Variants in PCDHA5 observed in about 807,000 individuals in gnomAD.
PCDHA5 encodes the protein protocadherin alpha-5.
In PCDHA5, 43 loss-of-function variants were observed where a neutral mutation model predicts 61.6. The ratio of observed to expected loss-of-function variants is 0.70; its 90% CI spans 0.55 to 0.90. The LOEUF (loss-of-function observed/expected upper bound fraction) is 0.90. Ranked by LOEUF, PCDHA5 falls within the 40% of genes least tolerant of loss-of-function variation. PCDHA5 has a pLI of 0.00. For synonymous variants in PCDHA5, 627 were observed against 543.9 expected (o/e 1.15, Z -2.13); for missense variants, 1,298 against 1,222.7 (o/e 1.06, Z -0.92).
chr5:140,845,803 T>C (rs1319133517), intron 1 of PCDHA5, among the ~76,000 whole-genome samples: 3 of 149,694 alleles, frequency 2.0e-5, no homozygotes, highest in Non-Finnish European at 4.5e-5. Flanking sequence ...TGGCAAGTGA[T>C]AGGTACATAA....
At chr5:140,876,752 C>A (rs374137138) in intron 1 of PCDHA5, 2 of 1,614,194 alleles carry the variant, frequency 1.2e-6, no homozygotes, top group Non-Finnish European at 1.7e-6. Context: ...GTGGTGACTG[C>A]GCGGGATGGG....
At chr5:140,882,385 A>G in intron 1 of PCDHA5, 1 of 1,614,234 alleles carries the variant, frequency 6.2e-7, no homozygotes, top group Non-Finnish European at 8.5e-7. Flanking sequence ...CCGAGGAAGC[A>G]AAACACGGCA....
chr5:140,893,662 A>T (rs1462433571), intron 1 of PCDHA5, among the ~76,000 whole-genome samples: 5 of 152,204 alleles, frequency 3.3e-5, no homozygotes, highest in African/African-American at 1.2e-4. Context: ...GTTTTAAAAA[A>T]TTTCAGCACT....
intron 1 of PCDHA5, chr5:140,928,113 G>C: frequency 6.2e-7 from 1 of 1,614,228 alleles, no homozygotes; most frequent in Admixed American, 1.7e-5. Context: ...ACCGGGAGCA[G>C]ATCAGTGAAT....
chr5:140,826,085 A>C (rs1768809113), intron 1 of PCDHA5, among the ~76,000 whole-genome samples: 1 of 152,198 alleles, frequency 6.6e-6, no homozygotes, highest in African/African-American at 2.4e-5. Flanking sequence ...CAATTTTATA[A>C]GTACCCTTCT....
intron 1 of PCDHA5, chr5:140,856,443 T>C: frequency 6.3e-7 from 1 of 1,598,282 alleles, no homozygotes; most frequent in Non-Finnish European, 8.6e-7. Flanking sequence ...CCGCCCAGGT[T>C]CTCCGTAACA....
intron 1 of PCDHA5, among the ~76,000 whole-genome samples, chr5:140,887,198 G>A (rs1276345927): frequency 2.6e-5 from 4 of 151,490 alleles, no homozygotes; most frequent in Admixed American, 2.6e-4. Flanking sequence ...CCGGGTTCAC[G>A]CCATTCTCCT....
chr5:140,870,689 T>G (rs1349209235), intron 1 of PCDHA5: 1 of 1,612,838 alleles, frequency 6.2e-7, no homozygotes. Context: ...GAGCTGGAGC[T>G]GCTACAGTTC....
Position 140,903,378 on chromosome 5 carries a change from G to T in PCDHA5, c.2353-75571G>T, listed in dbSNP as rs938741904. Among the ~76,000 whole-genome samples, 3 of 152,196 alleles carry T rather than the reference G, an allele frequency of 2.0e-5. No homozygotes were observed. In the South Asian group the frequency reaches 6.2e-4, roughly 32 times the overall value. On this transcript the variant is annotated intron_variant, in intron 1 of 3. Coordinates refer to ENST00000529859, the MANE Select transcript of PCDHA5 (RefSeq NM_018908.3). Reference sequence around the variant, plus strand: ...GTTTTTCAAAAATATAGGGAGGATTGTGGTTACTTCTAGAAACAGTAGTGC... The same window carrying T: ...GTTTTTCAAAAATATAGGGAGGATTTTGGTTACTTCTAGAAACAGTAGTGC...
In PCDHA5 at chr5:140,928,656, T is replaced by A. The variant is rs116598649; in HGVS notation, c.2353-50293T>A. ...TCACAAAAGTGGTAGCAGAGGATGC[T>A]GACAGTGGTTCTAATGCCTGGCTTT... On this transcript the variant is annotated intron_variant, in intron 1 of 3. Transcript: ENST00000529859. 5,180 of 1,614,228 alleles carry A rather than the reference T, an allele frequency of 3.2e-3. 26 individuals are homozygous for A. Among genetic ancestry groups the A allele is most frequent in the African/African-American group, 0.019 (1,449 of 75,056 alleles).
In PCDHA5 at chr5:140,834,181, A is replaced by G. The variant is rs999943997; in HGVS notation, c.2352+10054A>G. 5 of 566,952 alleles carry G rather than the reference A, an allele frequency of 8.8e-6. No homozygotes were observed. In the South Asian group the frequency reaches 1.3e-4, roughly 15 times the overall value. The allele number at this position is 566,952 out of a possible 1,614,324, so 35.1% of individuals were successfully genotyped here. A position where few individuals can be genotyped will look rare whatever the true frequency, so the allele number is the denominator to read the frequency against. On this transcript the variant is annotated intron_variant, in intron 1 of 3. Transcript: ENST00000529859. The stretch of plus-strand genomic sequence containing the variant: ...TAATTCTTACTTACATGATGGCCAC[A>G]TGATGTCGCTCTTTACCGCAAATTC...
At chr5:140,886,461 A>G (rs1434440381) in intron 1 of PCDHA5, among the ~76,000 whole-genome samples, 2 of 152,116 alleles carry the variant, frequency 1.3e-5, no homozygotes, top group African/African-American at 2.4e-5. Context: ...TCATATATAA[A>G]TGTTTTTAAA....
In PCDHA5 at chr5:140,843,235, C is replaced by G. The variant is rs2150355590; in HGVS notation, c.2352+19108C>G. On this transcript the variant is annotated intron_variant, in intron 1 of 3. Coordinates refer to ENST00000529859, the MANE Select transcript of PCDHA5 (RefSeq NM_018908.3). ...AGATCAGCACCACTCGTGTCCTGGACGAAGCGGACTCTCCGCGCCACCGTC... is the reference window on the plus strand; with the variant it reads ...AGATCAGCACCACTCGTGTCCTGGAGGAAGCGGACTCTCCGCGCCACCGTC... 1.0e-5 allele frequency: 16 copies of G among 1,595,840 alleles called. 2 individuals are homozygous for G. The African/African-American group carries it at 1.2e-4, about 12-fold the overall frequency.
chr5:140,828,445 T>G (rs1769755224), intron 1 of PCDHA5: 1 of 1,614,218 alleles, frequency 6.2e-7, no homozygotes, highest in Non-Finnish European at 8.5e-7. Context: ...AGGTTTTCCA[T>G]GTGGACGTGG....
chr5:140,857,951 G>A (rs569786768), intron 1 of PCDHA5: 8 of 1,597,390 alleles, frequency 5.0e-6, no homozygotes, highest in East Asian at 4.5e-5. Flanking sequence ...TACGACGCGC[G>A]CTCTGGATGA....
chr5:140,894,724 C>T (rs1322007306), intron 1 of PCDHA5, among the ~76,000 whole-genome samples: 7 of 151,784 alleles, frequency 4.6e-5, no homozygotes, highest in African/African-American at 9.7e-5. Context: ...TCAAATATTA[C>T]GTAGCAATTT....
intron 3 of PCDHA5, among the ~76,000 whole-genome samples, chr5:141,005,619 G>A (rs996010701): frequency 6.8e-5 from 10 of 146,082 alleles, no homozygotes; most frequent in South Asian, 2.2e-4. Flanking sequence ...GGAGAATGGC[G>A]TGAACCCGGG....
chr5:140,837,077 T>G (rs1350684380), intron 1 of PCDHA5: 3 of 173,170 alleles, frequency 1.7e-5, no homozygotes, highest in Non-Finnish European at 3.7e-5. Context: ...AATCAATACC[T>G]ATAAATGTTA....
At chr5:140,884,493 C>T (rs782633321) in intron 1 of PCDHA5, 2 of 1,614,038 alleles carry the variant, frequency 1.2e-6, no homozygotes, top group African/African-American at 1.3e-5. Flanking sequence ...CTAGTGTGCT[C>T]CAGCGCGGCA....
Sources: gnomAD v4.1 joint callset for allele counts (sites outside exome capture counted in the v4.1 genomes callset) on GRCh38, gnomAD v4.1.1 for gene constraint, MANE v1.5 for transcripts, NCBI Gene and HGNC (gene_info 2026-07-23, HGNC 2026-07-21) for gene names.